CFAP57: variants seen among roughly 807,000 people sequenced by gnomAD.
CFAP57 encodes cilia- and flagella-associated protein 57.
Under a neutral mutation model 146.8 loss-of-function variants are expected in CFAP57, and 116 were observed. The observed-to-expected ratio is 0.79, with a 90% CI of 0.68 to 0.92. CFAP57 has a LOEUF of 0.92. CFAP57 is among the 40% of genes least tolerant of loss of function. CFAP57 has a pLI of 0.00. For synonymous variants in CFAP57, 518 were observed against 552.8 expected, an observed-to-expected ratio of 0.94 and a Z score of 0.88; for missense variants, 1,377 against 1,527.2, an observed-to-expected ratio of 0.90 and a Z score of 1.64.
In CFAP57 at chr1:43,198,542, G is replaced by A; in HGVS notation, c.1324G>A (p.Gly442Arg). The A allele has an allele frequency of 6.2e-7, 1 of 1,614,050 alleles. No individual in the cohort carries two copies. Among genetic ancestry groups the A allele is most frequent in the Non-Finnish European group, 8.5e-7 (1 of 1,179,990 alleles). The change falls in exon 8 of 23, where the codon GGA (glycine) becomes AGA (arginine). Residue 442 changes from glycine (G) to arginine (R), a missense_variant. Coordinates refer to ENST00000372492, the MANE Select transcript of CFAP57 (RefSeq NM_001378189.1). ...ATATTCCATCAGCCTTCATCCATCT[G>A]GACACTTCATTGTAGTAGGGTTTGC... ...EAYSISLHPSGHFIVVGFADK... is the reference protein window; with the variant it reads ...EAYSISLHPSRHFIVVGFADK...
At chr1:43,223,482 G>A (rs767806535) in intron 16 of CFAP57, among the ~76,000 whole-genome samples, 3 of 152,138 alleles carry the variant, frequency 2.0e-5, no homozygotes, top group Non-Finnish European at 4.4e-5. Flanking sequence ...TTACAAAGTG[G>A]GGAAGATGTT....
intron 7 of CFAP57, among the ~76,000 whole-genome samples, chr1:43,197,912 T>G (rs564812015): frequency 6.6e-6 from 1 of 152,360 alleles, no homozygotes; most frequent in South Asian, 2.1e-4. Context: ...TGCTAGACAC[T>G]GGGGACATGA....
rs1377527892 is a variant in CFAP57, at chr1:43,183,871, CAGAG to C, written c.758_761del (p.Glu253AlafsTer2). 1 of 1,613,854 alleles carries C rather than the reference CAGAG, an allele frequency of 6.2e-7. No homozygotes were observed. The highest frequency in any genetic ancestry group is 8.5e-7 in the Non-Finnish European group (1 of 1,180,042). ...AAGAGCCTGGATGTCATTCAGGAATCAGAGAGGTAATGGTGCTTCCTGGGCTGGT... is the reference window on the plus strand; with the variant it reads ...AAGAGCCTGGATGTCATTCAGGAATCAGGTAATGGTGCTTCCTGGGCTGGT... On this transcript the variant is annotated frameshift_variant and splice_region_variant, in exon 4 of 23. Coordinates refer to ENST00000372492, the MANE Select transcript of CFAP57 (RefSeq NM_001378189.1). LOFTEE classifies it high-confidence loss of function.
chr1:43,228,219 C>A (rs1645330232), intron 18 of CFAP57, among the ~76,000 whole-genome samples: 1 of 152,240 alleles, frequency 6.6e-6, no homozygotes, highest in African/African-American at 2.4e-5. Context: ...CTCCCTGCTC[C>A]AGCCCACTGA....
chr1:43,248,444 C>T (rs534355833), intron 22 of CFAP57, among the ~76,000 whole-genome samples: 6 of 150,318 alleles, frequency 4.0e-5, no homozygotes, highest in African/African-American at 7.3e-5. Flanking sequence ...CAGCCTCCCT[C>T]GTAGCTGGGA....
intron 12 of CFAP57, 95 bp downstream of exon 12, chr1:43,215,511 CA>C: frequency 1.4e-6 from 2 of 1,443,498 alleles, no homozygotes; most frequent in Non-Finnish European, 1.9e-6. Flanking sequence ...AGCCTGGCTA[CA>C]CCCTATGCCC....
intron 6 of CFAP57, among the ~76,000 whole-genome samples, chr1:43,195,163 A>G (rs940687011): frequency 1.3e-5 from 2 of 152,208 alleles, no homozygotes; most frequent in Admixed American, 1.3e-4. Context: ...TAGAGAGTGC[A>G]TGTACCTTGT....
At position 43,209,866 on chromosome 1, in the gene CFAP57, C is replaced by T; in HGVS notation, c.1879C>T (p.Leu627=). 1 of 1,614,238 alleles carries T rather than the reference C, an allele frequency of 6.2e-7. No homozygotes were observed. The highest frequency in any genetic ancestry group is 8.5e-7 in the Non-Finnish European group (1 of 1,180,042). The change falls in exon 11 of 23, where the codon CTG becomes TTG. Residue 627 remains leucine (L), a synonymous_variant. Transcript: ENST00000372492. ...TCGTGCCATGAAGTACCCTCTGCCTCTGCAGAAGGAATTCAATGAGTACCA... is the reference window on the plus strand; with the variant it reads ...TCGTGCCATGAAGTACCCTCTGCCTTTGCAGAAGGAATTCAATGAGTACCA... ...TIRAMKYPLP[L]QKEFNEYQAH... is the part of the protein sequence containing the mutation.
intron 2 of CFAP57, among the ~76,000 whole-genome samples, chr1:43,174,356 C>A (rs969111150): frequency 6.6e-6 from 1 of 152,134 alleles, no homozygotes; most frequent in African/African-American, 2.4e-5. Context: ...ATGTTTATTT[C>A]CAGCATATTT....
chr1:43,173,455 C>T (rs915146054), intron 2 of CFAP57, among the ~76,000 whole-genome samples: 1 of 152,144 alleles, frequency 6.6e-6, no homozygotes, highest in African/African-American at 2.4e-5. Flanking sequence ...CATATACATA[C>T]AAAAGAATGT....
chr1:43,185,763 C>T (rs1313222489), intron 5 of CFAP57, among the ~76,000 whole-genome samples: 1 of 149,822 alleles, frequency 6.7e-6, no homozygotes, highest in African/African-American at 2.5e-5. Context: ...ACTAAAAATA[C>T]AAAAATTAGC....
chr1:43,226,427 A>G (rs1252635357), intron 17 of CFAP57, among the ~76,000 whole-genome samples: 1 of 152,120 alleles, frequency 6.6e-6, no homozygotes, highest in East Asian at 1.9e-4. Context: ...TTTTGATCAG[A>G]GCCCCTAATG....
chr1:43,213,095 T>C (rs995492476), intron 11 of CFAP57, among the ~76,000 whole-genome samples: 1 of 152,190 alleles, frequency 6.6e-6, no homozygotes, highest in Non-Finnish European at 1.5e-5. Context: ...CAACTTTTTT[T>C]TCTTTTTTTT....
chr1:43,234,016 G>T (rs1645582303), intron 19 of CFAP57, among the ~76,000 whole-genome samples: 1 of 152,176 alleles, frequency 6.6e-6, no homozygotes, highest in South Asian at 2.1e-4. Flanking sequence ...GCCCATCTGT[G>T]TGGCCTCTTA....
intron 22 of CFAP57, among the ~76,000 whole-genome samples, chr1:43,246,088 A>T (rs1570356839): frequency 1.3e-5 from 2 of 152,348 alleles, no homozygotes; most frequent in South Asian, 4.1e-4. Context: ...TGTCGTTAAG[A>T]TGTCAGTACT....
Position 43,238,045 on chromosome 1 carries a change from A to G in CFAP57, c.3405+3407A>G, listed in dbSNP as rs944792512. Among the ~76,000 whole-genome samples, 43 of 152,238 alleles carry G rather than the reference A, an allele frequency of 2.8e-4. No homozygotes were observed. The highest frequency in any genetic ancestry group is 1.5e-3 in the Admixed American group (23 of 15,280). The stretch of plus-strand genomic sequence containing the variant: ...TGTCAAAAGGCATTTCAGAGTAGAA[A>G]TGACAAATAGAAATGTCAGGTTAGA... On this transcript the variant is annotated intron_variant, in intron 21 of 22. Transcript: ENST00000372492. The surrounding 1 kb of genome is among the most constrained non-coding windows in gnomAD (Gnocchi z 4.3).
intron 2 of CFAP57, among the ~76,000 whole-genome samples, chr1:43,175,510 T>G (rs1158506608): frequency 6.6e-6 from 1 of 151,732 alleles, no homozygotes; most frequent in Non-Finnish European, 1.5e-5. Flanking sequence ...TTATTTTATT[T>G]TATTTATTTA....
At chr1:43,240,836 G>A (rs1442996003) in intron 21 of CFAP57, among the ~76,000 whole-genome samples, 1 of 152,166 alleles carries the variant, frequency 6.6e-6, no homozygotes, top group Non-Finnish European at 1.5e-5. Flanking sequence ...TGGCGAAAGA[G>A]AGAGTAGGAG....
intron 11 of CFAP57, chr1:43,210,616 G>A (rs9429125): frequency 0.99 from 180,318 of 181,324 alleles, 89,663 homozygotes; most frequent in Middle Eastern, 1. Context: ...GGAGATACTT[G>A]GAGCAGTCAG....
Sources: allele counts gnomAD v4.1 joint callset (sites outside exome capture counted in the v4.1 genomes callset), GRCh38; gene constraint gnomAD v4.1.1; non-coding constraint Gnocchi (gnomAD v3.1); transcripts MANE v1.5; gene names NCBI Gene and HGNC (gene_info 2026-07-23, HGNC 2026-07-21).